ANK2: variants seen among roughly 807,000 people sequenced by gnomAD.
ANK2 encodes ankyrin 2.
ANK2 carries 83 observed loss-of-function variants against 360.5 expected under a neutral mutation model. The ratio of observed to expected loss-of-function variants is 0.23; its 90% CI spans 0.19 to 0.28. ANK2 has a LOEUF of 0.28. Ranked by LOEUF, ANK2 falls within the 10% of genes least tolerant of loss-of-function variation. ANK2 has a pLI of 1.00. For synonymous variants in ANK2, 1,740 were observed against 1,759.5 expected (o/e 0.99, Z 0.28); for missense variants, 4,201 against 4,795.7 (o/e 0.88, Z 3.66).
At chr4:112,821,254 G>C (rs184583967) in intron 1 of ANK2, among the ~76,000 whole-genome samples, 4 of 152,044 alleles carry the variant, frequency 2.6e-5, no homozygotes, top group Admixed American at 1.3e-4. Flanking sequence ...TTGCTGTGTT[G>C]TCAGGGCTGG....
At chr4:112,872,495 G>A (rs887794858) in intron 1 of ANK2, among the ~76,000 whole-genome samples, 20 of 151,980 alleles carry the variant, frequency 1.3e-4, no homozygotes, top group Admixed American at 1.0e-3. Flanking sequence ...GCGCCATCAC[G>A]CCTGGCTAAT....
At chr4:113,104,040 A>C (rs889975967) in intron 1 of ANK2, among the ~76,000 whole-genome samples, 6 of 152,150 alleles carry the variant, frequency 3.9e-5, no homozygotes, top group Non-Finnish European at 7.4e-5. Context: ...GGGTTTGATA[A>C]GTAAGAGGAA....
At chr4:112,787,922 G>T in the ANK2 span, among the ~76,000 whole-genome samples, 1 of 152,064 alleles carries the variant, frequency 6.6e-6, no homozygotes. Flanking sequence ...CTCAAATGCC[G>T]CAGTCTCCTG....
chr4:113,376,429 GC>G (rs1472000636), intron 45 of ANK2, among the ~76,000 whole-genome samples: 1 of 152,200 alleles, frequency 6.6e-6, no homozygotes, highest in Admixed American at 6.5e-5. Flanking sequence ...CATGTAGCTT[GC>G]AGGACTGGAG....
chr4:113,099,664 A>G (rs767593610), intron 1 of ANK2, among the ~76,000 whole-genome samples: 2 of 152,020 alleles, frequency 1.3e-5, no homozygotes, highest in African/African-American at 2.4e-5. Context: ...CAAAAGACTC[A>G]GAATAATAAA....
the ANK2 span, among the ~76,000 whole-genome samples, chr4:112,781,526 ATTC>A: frequency 6.6e-6 from 1 of 152,224 alleles, no homozygotes; most frequent in Non-Finnish European, 1.5e-5. Context: ...ATAAGCTCAT[ATTC>A]TTCATTATTT....
chr4:112,996,068 C>G (rs139420946), intron 2 of ANK2, among the ~76,000 whole-genome samples: 1 of 152,176 alleles, frequency 6.6e-6, no homozygotes, highest in Non-Finnish European at 1.5e-5. Flanking sequence ...AAATCGAAAA[C>G]AACCCAAATG....
At chr4:112,937,946 G>T (rs1292602314) in intron 2 of ANK2, among the ~76,000 whole-genome samples, 3 of 152,080 alleles carry the variant, frequency 2.0e-5, no homozygotes, top group African/African-American at 7.2e-5. Context: ...AATAATAATA[G>T]AATCTAACTC....
chr4:113,349,638 A>T (rs1007893630), intron 36 of ANK2, among the ~76,000 whole-genome samples: 4 of 152,070 alleles, frequency 2.6e-5, no homozygotes, highest in African/African-American at 9.7e-5. Flanking sequence ...TCCTTCCTGT[A>T]CTCAGTGACC....
At chr4:112,724,099 C>T in the ANK2 span, among the ~76,000 whole-genome samples, 1 of 147,402 alleles carries the variant, frequency 6.8e-6, no homozygotes. Flanking sequence ...GAGTGTCGCT[C>T]TGTCACCCAG....
At chr4:113,297,913 G>A (rs961577311) in intron 22 of ANK2, among the ~76,000 whole-genome samples, 1 of 151,832 alleles carries the variant, frequency 6.6e-6, no homozygotes, top group Non-Finnish European at 1.5e-5. Flanking sequence ...GGGACTACTC[G>A]GGAGTAGTAG....
chr4:112,952,571 C>T (rs570289922), intron 2 of ANK2, among the ~76,000 whole-genome samples: 3 of 152,080 alleles, frequency 2.0e-5, no homozygotes, highest in Non-Finnish European at 2.9e-5. Flanking sequence ...TGTTATCTGT[C>T]GTTGGTACAT....
At chr4:113,166,697 A>C (rs946730401) in intron 1 of ANK2, among the ~76,000 whole-genome samples, 4 of 152,074 alleles carry the variant, frequency 2.6e-5, no homozygotes, top group Non-Finnish European at 5.9e-5. Context: ...AGTAAATGCC[A>C]TAAAAAAATG....
chr4:113,336,916 T>C (rs2093617129), intron 31 of ANK2, 135 bp downstream of exon 31: 2 of 867,620 alleles, frequency 2.3e-6, no homozygotes, highest in African/African-American at 1.7e-5. Flanking sequence ...TTTAATTAAC[T>C]AGGGAAATGA....
chr4:113,250,760 C>T lies in ANK2; in HGVS notation c.990+898C>T, dbSNP rs537481636. On this transcript the variant is annotated intron_variant, in intron 10 of 45. Coordinates refer to ENST00000357077, the MANE Select transcript of ANK2 (RefSeq NM_001148.6). ...CCATTCCACCTCATACCACCGCCCC[C>T]CCCCCCGACAGAGTTGGTATCAACT... Among the ~76,000 whole-genome samples, 23 of 136,710 alleles carry T rather than the reference C, an allele frequency of 1.7e-4. 2 individuals carry two copies. The highest frequency in any genetic ancestry group is 6.0e-4 in the African/African-American group (23 of 38,154). 89.7% of individuals were successfully genotyped at this position (136,710 alleles called of 152,430 possible). A position where few individuals can be genotyped will look rare whatever the true frequency, so the allele number is the denominator to read the frequency against.
chr4:112,984,860 G>C (rs2044328813), intron 2 of ANK2, among the ~76,000 whole-genome samples: 1 of 152,192 alleles, frequency 6.6e-6, no homozygotes, highest in Non-Finnish European at 1.5e-5. Flanking sequence ...TACATTACCA[G>C]TGTGTGTTGG....
At chr4:113,287,573 A>T in intron 18 of ANK2, 32 bp from the exon 19 acceptor site, 3 of 1,466,088 alleles carry the variant, frequency 2.0e-6, no homozygotes, top group Non-Finnish European at 1.9e-6. Context: ...TTCTTCTTCA[A>T]CTGTATCCCT....
chr4:113,052,918 G>T (rs1334625812), intron 1 of ANK2, among the ~76,000 whole-genome samples: 1 of 152,180 alleles, frequency 6.6e-6, no homozygotes, highest in Non-Finnish European at 1.5e-5. Flanking sequence ...TTCTACGATT[G>T]TGTATCCCAG....
At chr4:113,021,687 T>C (rs2058232989) in intron 2 of ANK2, among the ~76,000 whole-genome samples, 1 of 151,290 alleles carries the variant, frequency 6.6e-6, no homozygotes, top group South Asian at 2.1e-4. Flanking sequence ...TTGAATGAGA[T>C]ATTTATTACG....
Sources: gnomAD v4.1 joint callset for allele counts (sites outside exome capture counted in the v4.1 genomes callset) on GRCh38, gnomAD v4.1.1 for gene constraint, MANE v1.5 for transcripts, NCBI Gene and HGNC (gene_info 2026-07-23, HGNC 2026-07-21) for gene names.